PSPC1: variants seen among roughly 807,000 people sequenced by gnomAD.
PSPC1 encodes the protein paraspeckle component 1, also known as paraspeckle protein 1.
In PSPC1, 14 loss-of-function variants were observed where a neutral mutation model predicts 51.6. The observed-to-expected ratio is 0.27, with a 90% confidence interval of 0.18 to 0.42. The LOEUF (loss-of-function observed/expected upper bound fraction) is 0.42, where lower values mean the gene tolerates loss of function less well. Ranked by LOEUF, PSPC1 falls within the 10% of genes least tolerant of loss-of-function variation. The probability of loss-of-function intolerance (pLI) is 1.00; values close to 1 mark genes in which losing one functional copy is unlikely to be tolerated. For synonymous variants in PSPC1, 193 were observed against 231.9 expected, an observed-to-expected ratio of 0.83 and a Z score of 1.53; for missense variants, 406 against 701.1, an observed-to-expected ratio of 0.58 and a Z score of 4.75.
intron 6 of PSPC1, among the ~76,000 whole-genome samples, chr13:19,719,263 A>C (rs1394398684): frequency 6.6e-6 from 1 of 152,054 alleles, no homozygotes; most frequent in Non-Finnish European, 1.5e-5. Context: ...TGTGGACCTA[A>C]AGCTCTTTTG....
At chr13:19,685,889 C>A (rs1440241230) in intron 6 of PSPC1, among the ~76,000 whole-genome samples, 1 of 152,218 alleles carries the variant, frequency 6.6e-6, no homozygotes, top group East Asian at 1.9e-4. Context: ...CCTCCCTTTA[C>A]ATGTCTTCAG....
intron 6 of PSPC1, among the ~76,000 whole-genome samples, chr13:19,690,730 G>A (rs147359157): frequency 5.9e-5 from 9 of 152,082 alleles, no homozygotes; most frequent in African/African-American, 9.6e-5. Flanking sequence ...CTCCCATTCC[G>A]CCAACCTCAT....
At chr13:19,728,713 C>T (rs914348102) in intron 6 of PSPC1, among the ~76,000 whole-genome samples, 1 of 152,016 alleles carries the variant, frequency 6.6e-6, no homozygotes, top group African/African-American at 2.4e-5. Flanking sequence ...AAAACTGACA[C>T]CAAAATAATG....
intron 4 of PSPC1, among the ~76,000 whole-genome samples, chr13:19,746,188 G>T (rs1253486617): frequency 2.0e-5 from 3 of 151,654 alleles, no homozygotes; most frequent in Admixed American, 1.3e-4. Flanking sequence ...CGGATCACGA[G>T]GTCAGGAGTT....
chr13:19,766,376 T>A (rs1321241544), intron 2 of PSPC1, among the ~76,000 whole-genome samples: 2 of 151,990 alleles, frequency 1.3e-5, no homozygotes, highest in African/African-American at 4.8e-5. Flanking sequence ...CTGTCTCAAA[T>A]CAATCTATCA....
intron 3 of PSPC1, among the ~76,000 whole-genome samples, chr13:19,752,054 T>C (rs992416691): frequency 1.3e-5 from 2 of 151,962 alleles, no homozygotes; most frequent in Non-Finnish European, 2.9e-5. Flanking sequence ...CGAGACTCCG[T>C]CCCAAAAAAA....
At chr13:19,733,785 AAATAT>A (rs1566006238) in intron 5 of PSPC1, among the ~76,000 whole-genome samples, 1 of 138,290 alleles carries the variant, frequency 7.2e-6, no homozygotes, top group African/African-American at 2.8e-5. Context: ...AAAGAAAAAA[AAATAT>A]ATATATATAT....
At position 19,759,226 on chromosome 13, in the gene PSPC1, T is replaced by C. The variant is rs1887383679; in HGVS notation, c.770+97A>G. The C allele has an allele frequency of 8.7e-6, 8 of 921,348 alleles. No individual in the cohort carries two copies. In the South Asian group the frequency reaches 8.8e-5, roughly 10 times the overall value. The allele number at this position is 921,348 out of a possible 1,614,324, so 57.1% of individuals were successfully genotyped here. A position where few individuals can be genotyped will look rare whatever the true frequency, so the allele number is the denominator to read the frequency against. ...AGACCACTCTATTACCCAGATTATA[T>C]AAATAAACAGAACACCTCATAATCC... On this transcript the variant is annotated intron_variant, in intron 3 of 8. Transcript: ENST00000338910.
chr13:19,754,173 C>A (rs1405696666), intron 3 of PSPC1, among the ~76,000 whole-genome samples: 2 of 151,780 alleles, frequency 1.3e-5, no homozygotes, highest in African/African-American at 4.8e-5. Context: ...CAACCTCCGC[C>A]TCCTGGGTTC....
intron 4 of PSPC1, among the ~76,000 whole-genome samples, chr13:19,746,880 C>T (rs1262906546): frequency 6.6e-6 from 1 of 152,116 alleles, no homozygotes; most frequent in African/African-American, 2.4e-5. Flanking sequence ...GAGGCTGAGG[C>T]GGATGGATCA....
At chr13:19,713,740 T>A (rs372030306) in intron 6 of PSPC1, among the ~76,000 whole-genome samples, 2 of 152,088 alleles carry the variant, frequency 1.3e-5, no homozygotes, top group Non-Finnish European at 2.9e-5. Flanking sequence ...TATGACTAAT[T>A]CCCAGAACCA....
At chr13:19,680,223 C>T (rs562470200) in intron 6 of PSPC1, among the ~76,000 whole-genome samples, 1 of 152,280 alleles carries the variant, frequency 6.6e-6, no homozygotes, top group South Asian at 2.1e-4. Flanking sequence ...CCATGTTGGC[C>T]AGGCTGCTCT....
chr13:19,778,347 A>G (rs1228935991), intron 1 of PSPC1, among the ~76,000 whole-genome samples: 1 of 140,432 alleles, frequency 7.1e-6, no homozygotes, highest in Admixed American at 7.2e-5. Flanking sequence ...TTCTCTACAT[A>G]TTAAGACCTC....
chr13:19,671,701 CAA>C (rs1024230815), downstream of PSPC1: 12 of 734,318 alleles, frequency 1.6e-5, no homozygotes, highest in African/African-American at 1.9e-4. Flanking sequence ...AATGATCTAA[CAA>C]TGTAAATTGA....
At chr13:19,741,116 T>G (rs1204306026) in intron 5 of PSPC1, among the ~76,000 whole-genome samples, 2 of 152,110 alleles carry the variant, frequency 1.3e-5, no homozygotes, top group Non-Finnish European at 2.9e-5. Context: ...TCATGTGATC[T>G]GCCCACCTCA....
At chr13:19,772,903 T>C (rs1888747731) in intron 1 of PSPC1, among the ~76,000 whole-genome samples, 1 of 152,154 alleles carries the variant, frequency 6.6e-6, no homozygotes, top group Non-Finnish European at 1.5e-5. Flanking sequence ...GGTTCACCCC[T>C]GTAATCCCAG....
intron 6 of PSPC1, among the ~76,000 whole-genome samples, chr13:19,695,991 G>A (rs1047051978): frequency 1.4e-4 from 21 of 152,094 alleles, no homozygotes; most frequent in African/African-American, 5.1e-4. Context: ...GGTAGAAGCA[G>A]CCTAATGTCG....
At chr13:19,730,839 C>T (rs185364884) in intron 5 of PSPC1, among the ~76,000 whole-genome samples, 27 of 150,970 alleles carry the variant, frequency 1.8e-4, no homozygotes, top group Non-Finnish European at 7.4e-5. Flanking sequence ...CCCAGCTACT[C>T]GAGAGGCTGA....
chr13:19,715,105 C>A (rs1881937376), intron 6 of PSPC1, among the ~76,000 whole-genome samples: 1 of 152,172 alleles, frequency 6.6e-6, no homozygotes, highest in African/African-American at 2.4e-5. Context: ...CGACTCTTAA[C>A]TCTGTAACGT....
Sources: allele counts gnomAD v4.1 joint callset (sites outside exome capture counted in the v4.1 genomes callset), GRCh38; gene constraint gnomAD v4.1.1; transcripts MANE v1.5; gene names NCBI Gene and HGNC (gene_info 2026-07-23, HGNC 2026-07-21).